The following SEMA5A variants were observed in gnomAD, a reference collection of about 807,000 sequenced individuals.
SEMA5A encodes the protein semaphorin-5A.
Under a neutral mutation model 135.5 loss-of-function variants are expected in SEMA5A, and 55 were observed. The observed-to-expected ratio is 0.41, with a 90% CI of 0.33 to 0.51. SEMA5A has a LOEUF of 0.51. SEMA5A is among the 20% of genes least tolerant of loss of function. SEMA5A has a pLI of 0.37. For missense variants in SEMA5A, 1,290 were observed against 1,419.9 expected (o/e 0.91, Z 1.47); for synonymous variants, 580 against 546.5 (o/e 1.06, Z -0.85).
At chr5:9,532,902 T>G (rs1055362684) in intron 1 of SEMA5A, among the ~76,000 whole-genome samples, 7 of 152,206 alleles carry the variant, frequency 4.6e-5, no homozygotes, top group Non-Finnish European at 1.0e-4. Context: ...TGGTAGGTAT[T>G]AATGGTCCTT....
At chr5:9,241,610 A>G (rs1316730192) in intron 5 of SEMA5A, among the ~76,000 whole-genome samples, 1 of 151,732 alleles carries the variant, frequency 6.6e-6, no homozygotes, top group Non-Finnish European at 1.5e-5. Context: ...AACCCATTTT[A>G]TATCTGCATA....
chr5:9,152,087 C>T (rs188753734), intron 12 of SEMA5A, among the ~76,000 whole-genome samples: 3 of 152,254 alleles, frequency 2.0e-5, no homozygotes, highest in Non-Finnish European at 2.9e-5. Context: ...AGAGGCTGAG[C>T]GATTATGACC....
intron 1 of SEMA5A, among the ~76,000 whole-genome samples, chr5:9,497,490 G>T (rs1197028119): frequency 6.6e-6 from 1 of 152,104 alleles, no homozygotes; most frequent in Non-Finnish European, 1.5e-5. Flanking sequence ...CAATAATTGG[G>T]TACACCTCAC....
rs144749080 is a variant in SEMA5A, at chr5:9,285,811, C to G, written c.270+32561G>C. On this transcript the variant is annotated intron_variant, in intron 5 of 22. Transcript: ENST00000382496. ...CTATAATGACCTTGACCCAAATGTT[C>G]TGGTGATGGCTGCTTCATGGGGAGC... Among the ~76,000 whole-genome samples, 879 of 152,340 alleles carry G rather than the reference C, an allele frequency of 5.8e-3. 8 individuals are homozygous for G. Among genetic ancestry groups the G allele is most frequent in the African/African-American group, 0.02 (814 of 41,572 alleles).
At chr5:9,096,764 C>G (rs910802684) in intron 16 of SEMA5A, among the ~76,000 whole-genome samples, 2 of 151,922 alleles carry the variant, frequency 1.3e-5, no homozygotes, top group Admixed American at 6.6e-5. Flanking sequence ...ATATATATGA[C>G]CCAATTAAGA....
At chr5:9,333,996 G>A (rs1336568796) in intron 4 of SEMA5A, among the ~76,000 whole-genome samples, 1 of 152,002 alleles carries the variant, frequency 6.6e-6, no homozygotes. Flanking sequence ...GAAAATGTAT[G>A]ACTTCTTCCA....
chr5:9,480,171 T>C (rs1759822496), intron 1 of SEMA5A, among the ~76,000 whole-genome samples: 1 of 152,034 alleles, frequency 6.6e-6, no homozygotes, highest in South Asian at 2.1e-4. Context: ...AACTAAACCA[T>C]CTCTAGACAT....
intron 1 of SEMA5A, among the ~76,000 whole-genome samples, chr5:9,530,859 A>G (rs1013885867): frequency 1.3e-5 from 2 of 152,078 alleles, no homozygotes; most frequent in Non-Finnish European, 2.9e-5. Context: ...GAGCTACAAA[A>G]TCGGAGGGAG....
At chr5:9,215,334 A>C (rs1375952815) in intron 8 of SEMA5A, among the ~76,000 whole-genome samples, 1 of 152,170 alleles carries the variant, frequency 6.6e-6, no homozygotes, top group African/African-American at 2.4e-5. Context: ...ACAGTGTTAT[A>C]GTTTAACTGT....
intron 5 of SEMA5A, among the ~76,000 whole-genome samples, chr5:9,309,235 T>A (rs1298689919): frequency 1.3e-5 from 2 of 152,020 alleles, no homozygotes; most frequent in African/African-American, 4.8e-5. Flanking sequence ...TTTACAGAAA[T>A]GTTAGAATCA....
chr5:9,384,575 G>C (rs200462656), intron 2 of SEMA5A, among the ~76,000 whole-genome samples: 5,043 of 36,916 alleles, frequency 0.14, 188 homozygotes, highest in East Asian at 0.18. Context: ...TAGATACATA[G>C]ATAGATAGAT....
At chr5:9,381,163 T>C (rs1755591302) in intron 2 of SEMA5A, among the ~76,000 whole-genome samples, 1 of 152,172 alleles carries the variant, frequency 6.6e-6, no homozygotes, top group African/African-American at 2.4e-5. Context: ...ATCTTATTAA[T>C]ATTAATAAGA....
chr5:9,167,173 A>G (rs1412981635), intron 11 of SEMA5A, among the ~76,000 whole-genome samples: 4 of 152,198 alleles, frequency 2.6e-5, no homozygotes, highest in African/African-American at 4.8e-5. Context: ...CATTACACCA[A>G]TTACGACTAG....
chr5:9,429,664 C>A (rs1221770061), intron 2 of SEMA5A, among the ~76,000 whole-genome samples: 1 of 152,190 alleles, frequency 6.6e-6, no homozygotes, highest in African/African-American at 2.4e-5. Flanking sequence ...GGCCAAGGAG[C>A]AATCTTCAGG....
intron 11 of SEMA5A, among the ~76,000 whole-genome samples, chr5:9,167,199 G>A (rs1743657498): frequency 6.6e-6 from 1 of 152,182 alleles, no homozygotes; most frequent in Non-Finnish European, 1.5e-5. Context: ...GATGTTCCAA[G>A]CTGTTTGTTA....
At chr5:9,485,430 G>GA (rs1734646355) in intron 1 of SEMA5A, among the ~76,000 whole-genome samples, 1 of 152,186 alleles carries the variant, frequency 6.6e-6, no homozygotes. Flanking sequence ...AAGGTTGCTG[G>GA]AAAATGTTGT....
At chr5:9,268,595 A>T (rs754637541) in intron 5 of SEMA5A, among the ~76,000 whole-genome samples, 13 of 152,186 alleles carry the variant, frequency 8.5e-5, no homozygotes, top group Non-Finnish European at 1.9e-4. Flanking sequence ...CTTAATAAAT[A>T]CTACTGCCCC....
At chr5:9,480,535 G>T (rs935920579) in intron 1 of SEMA5A, among the ~76,000 whole-genome samples, 24 of 152,174 alleles carry the variant, frequency 1.6e-4, no homozygotes, top group African/African-American at 5.6e-4. Context: ...TTCGTTTTTG[G>T]TGGCAACCCT....
At chr5:9,485,543 A>G (rs1734658405) in intron 1 of SEMA5A, among the ~76,000 whole-genome samples, 1 of 152,178 alleles carries the variant, frequency 6.6e-6, no homozygotes, top group Admixed American at 6.6e-5. Flanking sequence ...GAAGTGCTGA[A>G]CAAAGAGTGC....
Sources: allele counts gnomAD v4.1 joint callset (sites outside exome capture counted in the v4.1 genomes callset), GRCh38; gene constraint gnomAD v4.1.1; transcripts MANE v1.5; gene names NCBI Gene and HGNC (gene_info 2026-07-23, HGNC 2026-07-21).